Variants in WDPCP observed in about 807,000 individuals in gnomAD.
WDPCP encodes the protein WD repeat-containing and planar cell polarity effector protein fritz homolog.
Under a neutral mutation model 93.1 loss-of-function variants are expected in WDPCP, and 71 were observed. That is an observed-to-expected ratio of 0.76 (90% CI 0.63 to 0.93). The LOEUF is 0.93. WDPCP is among the 40% of genes least tolerant of loss of function. WDPCP has a pLI of 0.00. For synonymous variants in WDPCP, 315 were observed against 315.0 expected, an observed-to-expected ratio of 1.00 and a Z score of 0.00; for missense variants, 844 against 887.4, an observed-to-expected ratio of 0.95 and a Z score of 0.62.
chr2:63,420,361 T>TTAAAAAAAAAA (rs1368696608), intron 9 of WDPCP, among the ~76,000 whole-genome samples: 2 of 120,530 alleles, frequency 1.7e-5, no homozygotes, highest in Non-Finnish European at 1.7e-5. Context: ...CATCTTTACT[T>TTAAAAAAAAAA]AAAAAAAAAA....
chr2:63,682,167 T>C (rs756252403), intron 2 of WDPCP, among the ~76,000 whole-genome samples: 14 of 152,158 alleles, frequency 9.2e-5, no homozygotes, highest in Non-Finnish European at 1.8e-4. Flanking sequence ...CAGGAAAACA[T>C]GACCTCACCA....
chr2:63,374,416 G>A (rs1691668295), intron 12 of WDPCP, among the ~76,000 whole-genome samples: 1 of 152,078 alleles, frequency 6.6e-6, no homozygotes, highest in South Asian at 2.1e-4. Context: ...TGGATGATCT[G>A]ACCAGGAGAT....
At chr2:63,263,335 C>T (rs1162964179) in intron 13 of WDPCP, among the ~76,000 whole-genome samples, 1 of 152,154 alleles carries the variant, frequency 6.6e-6, no homozygotes, top group Non-Finnish European at 1.5e-5. Context: ...GAAGGTGGGG[C>T]CCTTAAGAGA....
At chr2:63,802,734 T>C (rs1249061858) in intron 2 of WDPCP, among the ~76,000 whole-genome samples, 2 of 152,048 alleles carry the variant, frequency 1.3e-5, no homozygotes, top group Non-Finnish European at 2.9e-5. Context: ...ATAGTACAGC[T>C]TTAAAAAAAA....
At chr2:63,635,435 C>G (rs1376376826) in intron 3 of WDPCP, among the ~76,000 whole-genome samples, 1 of 152,080 alleles carries the variant, frequency 6.6e-6, no homozygotes, top group Non-Finnish European at 1.5e-5. Context: ...AATTAGAGGT[C>G]AATATCCCTG....
At chr2:63,283,603 T>C (rs1478737684) in intron 13 of WDPCP, among the ~76,000 whole-genome samples, 1 of 152,224 alleles carries the variant, frequency 6.6e-6, no homozygotes, top group African/African-American at 2.4e-5. Context: ...AAGTATTTAC[T>C]ATCTGGCCTT....
At chr2:63,287,388 T>A (rs1684085994) in intron 13 of WDPCP, among the ~76,000 whole-genome samples, 1 of 152,164 alleles carries the variant, frequency 6.6e-6, no homozygotes, top group African/African-American at 2.4e-5. Flanking sequence ...AGTATCCACT[T>A]ATTCTGACTT....
In WDPCP at chr2:63,808,487, A is replaced by G. The variant is rs1038189192; in HGVS notation, n.308+5135T>C. 4.5e-4 allele frequency among the ~76,000 whole-genome samples: 68 copies of G among 152,266 alleles called. 1 individual carries two copies. The highest frequency in any genetic ancestry group is 1.6e-3 in the African/African-American group (65 of 41,552). ...CTGCCGAATGCCTGCGATTGCGGGC[A>G]CGCGCTGCCACGCCTGACTGGTTTT... On this transcript the variant is annotated intron_variant and non_coding_transcript_variant, in intron 2 of 4. Transcript: ENST00000467687.
chr2:63,693,092 C>A (rs948874709), intron 2 of WDPCP, among the ~76,000 whole-genome samples: 4 of 152,158 alleles, frequency 2.6e-5, no homozygotes, highest in Non-Finnish European at 4.4e-5. Context: ...TGACAAGTGG[C>A]AAATGCAAAC....
At chr2:63,607,351 A>AAAT (rs1479329679) in intron 3 of WDPCP, among the ~76,000 whole-genome samples, 1 of 151,952 alleles carries the variant, frequency 6.6e-6, no homozygotes, top group African/African-American at 2.4e-5. Flanking sequence ...CAGCCTGGGC[A>AAAT]AATAGTGACA....
At chr2:63,594,580 A>G (rs1242180886) in intron 3 of WDPCP, 2 of 1,607,884 alleles carry the variant, frequency 1.2e-6, no homozygotes, top group Non-Finnish European at 1.7e-6. Flanking sequence ...TCTTTGGTAA[A>G]GATCAGGTAG....
intron 2 of WDPCP, among the ~76,000 whole-genome samples, chr2:63,733,098 G>A (rs1342427846): frequency 6.6e-6 from 1 of 150,630 alleles, no homozygotes; most frequent in Non-Finnish European, 1.5e-5. Flanking sequence ...ATATAAGTAT[G>A]TTTGGAAAGA....
intron 6 of WDPCP, chr2:63,442,823 T>C (rs1428929662): frequency 6.6e-6 from 1 of 152,212 alleles, no homozygotes; most frequent in African/African-American, 2.4e-5. Context: ...AACTGCTTTT[T>C]CTATGTATGA....
rs977253364 is a variant in WDPCP, at chr2:63,752,695, T to C, written n.308+60927A>G. ...GCGACCACAGGCAGAAAGAAGTAAGTTAATGAATGTATCCTTATGTTATAT... is the reference window on the plus strand; with the variant it reads ...GCGACCACAGGCAGAAAGAAGTAAGCTAATGAATGTATCCTTATGTTATAT... On this transcript the variant is annotated intron_variant and non_coding_transcript_variant, in intron 2 of 4. Coordinates refer to the WDPCP transcript ENST00000467687. The C allele has an allele frequency of 8.3e-5, 32 of 383,276 alleles. 1 individual carries two copies. In the South Asian group the frequency reaches 1.3e-3, roughly 15 times the overall value. The allele number at this position is 383,276 out of a possible 1,614,324, so 23.7% of individuals were successfully genotyped here.
intron 1 of WDPCP, among the ~76,000 whole-genome samples, chr2:63,822,217 G>T (rs1237959835): frequency 1.3e-5 from 2 of 151,880 alleles, no homozygotes; most frequent in South Asian, 4.2e-4. Flanking sequence ...GACTAATATT[G>T]AGTCAAACAC....
At chr2:63,707,232 G>GGGGAAA (rs2103735181) in intron 2 of WDPCP, among the ~76,000 whole-genome samples, 1 of 152,236 alleles carries the variant, frequency 6.6e-6, no homozygotes, top group Admixed American at 6.5e-5. Context: ...TTTCCAACTT[G>GGGGAAA]GTTCCATTCT....
chr2:63,153,744 A>G (rs943462471), intron 15 of WDPCP, among the ~76,000 whole-genome samples, 170 bp from the exon 16 acceptor site: 1 of 152,054 alleles, frequency 6.6e-6, no homozygotes, highest in Non-Finnish European at 1.5e-5. Context: ...TCATTTAAAT[A>G]CCATTATATT....
At chr2:63,170,548 C>T (rs888618515) in intron 15 of WDPCP, among the ~76,000 whole-genome samples, 3 of 152,130 alleles carry the variant, frequency 2.0e-5, no homozygotes, top group East Asian at 1.9e-4. Flanking sequence ...GTATTACAGG[C>T]GTGAGCCACC....
At chr2:63,295,326 A>T (rs1032051169) in intron 13 of WDPCP, among the ~76,000 whole-genome samples, 1 of 152,150 alleles carries the variant, frequency 6.6e-6, no homozygotes, top group African/African-American at 2.4e-5. Flanking sequence ...AAATGGATCA[A>T]ACTTCCAATC....
Sources: allele counts gnomAD v4.1 joint callset (sites outside exome capture counted in the v4.1 genomes callset), GRCh38; gene constraint gnomAD v4.1.1; transcripts MANE v1.5; gene names NCBI Gene and HGNC (gene_info 2026-07-23, HGNC 2026-07-21).